The following IMPA1 variants were observed in gnomAD, a reference collection of about 807,000 sequenced individuals.
IMPA1 encodes D-galactose 1-phosphate phosphatase.
A neutral mutation model predicts 34.9 loss-of-function variants in IMPA1; 21 were observed. The observed-to-expected ratio is 0.60, with a 90% CI of 0.43 to 0.87. The LOEUF (loss-of-function observed/expected upper bound fraction) is 0.87. Among genes scored for constraint, IMPA1 ranks in the 40% least tolerant of loss-of-function variants. The pLI is 0.00. For missense variants in IMPA1, 299 were observed against 336.4 expected, an observed-to-expected ratio of 0.89 and a Z score of 0.87; for synonymous variants, 95 against 104.4, an observed-to-expected ratio of 0.91 and a Z score of 0.55.
intron 2 of IMPA1, among the ~76,000 whole-genome samples, chr8:81,681,049 A>G (rs1451897306): frequency 6.6e-6 from 1 of 152,186 alleles, no homozygotes; most frequent in Non-Finnish European, 1.5e-5. Flanking sequence ...TATACACGCA[A>G]GAGTATTTAG....
chr8:81,659,088 G>A lies in IMPA1; in HGVS notation c.*263C>T, dbSNP rs973614465. 1.3e-4 allele frequency: 56 copies of A among 425,628 alleles called. No homozygotes were observed. Among genetic ancestry groups the A allele is most frequent in the Non-Finnish European group, 6.7e-5 (16 of 240,108 alleles). The allele number at this position is 425,628 out of a possible 1,614,324, so 26.4% of individuals were successfully genotyped here. On this transcript the variant is annotated 3_prime_UTR_variant, in exon 9 of 9. Coordinates refer to ENST00000256108, the MANE Select transcript of IMPA1 (RefSeq NM_005536.4). Reference sequence around the variant, plus strand: ...ACAAAATTGCTAATTGACTATTTCAGTTGATGTTATATTTATCAACTGTAC... The same window carrying A: ...ACAAAATTGCTAATTGACTATTTCAATTGATGTTATATTTATCAACTGTAC...
At position 81,657,822 on chromosome 8, in the gene IMPA1, G is replaced by A. The variant is rs1806559402; in HGVS notation, c.*1529C>T. ...GGAGACTGAAAGAGGAGGATCACTT[G>A]AGCCCAGGAATTTAAGGATACAGTG... On this transcript the variant is annotated 3_prime_UTR_variant, in exon 9 of 9. Transcript: ENST00000256108. 6.6e-6 allele frequency: 1 copy of A among 152,056 alleles called. No homozygotes were observed. Among genetic ancestry groups the A allele is most frequent in the Non-Finnish European group, 1.5e-5 (1 of 68,050 alleles). 9.4% of individuals were successfully genotyped at this position (152,056 alleles called of 1,614,324 possible).
intron 1 of IMPA1, among the ~76,000 whole-genome samples, chr8:81,684,788 A>G (rs1179685863): frequency 7.0e-6 from 1 of 143,194 alleles, no homozygotes; most frequent in African/African-American, 2.6e-5. Flanking sequence ...TATACTACAC[A>G]TAAGTATATT....
intron 1 of IMPA1, 22 bp downstream of exon 1, chr8:81,686,230 G>A (rs923558973): frequency 2.0e-6 from 2 of 1,024,548 alleles, no homozygotes; most frequent in Non-Finnish European, 2.4e-6. Context: ...GGAGGGTGCG[G>A]TGAGGAAAAT....
rs73283097 is a variant in IMPA1, at chr8:81,686,323, G to A, written c.-96C>T. On this transcript the variant is annotated 5_prime_UTR_variant, in exon 1 of 9. Transcript: ENST00000256108. ...ACTCGTCTCTTCCGGAGGTAGAGGG[G>A]CTACTCGCAACAGGAAGTTCCGCCC... 1 of 986,992 alleles carries A rather than the reference G, an allele frequency of 1.0e-6. No individual in the cohort carries two copies. Among genetic ancestry groups the A allele is most frequent in the Non-Finnish European group, 1.2e-6 (1 of 830,902 alleles). The allele number at this position is 986,992 out of a possible 1,614,324, so 61.1% of individuals were successfully genotyped here.
At chr8:81,685,033 T>G (rs181178605) in intron 1 of IMPA1, among the ~76,000 whole-genome samples, 17 of 136,568 alleles carry the variant, frequency 1.2e-4, no homozygotes, top group African/African-American at 4.3e-4. Context: ...ATTTAGATAC[T>G]ATATATAGTA....
At chr8:81,682,847 C>T (rs1385894488) in intron 1 of IMPA1, among the ~76,000 whole-genome samples, 2 of 152,184 alleles carry the variant, frequency 1.3e-5, no homozygotes, top group Non-Finnish European at 2.9e-5. Flanking sequence ...CTTCATCCTT[C>T]AATAGATGTT....
intron 7 of IMPA1, among the ~76,000 whole-genome samples, chr8:81,661,737 T>C (rs1253437428): frequency 1.3e-5 from 2 of 152,266 alleles, no homozygotes; most frequent in Non-Finnish European, 2.9e-5. Context: ...TCCATGTTAA[T>C]TCCCTTACTT....
At chr8:81,681,045 C>T (rs757875040) in intron 2 of IMPA1, among the ~76,000 whole-genome samples, 30 of 152,000 alleles carry the variant, frequency 2.0e-4, no homozygotes, top group Non-Finnish European at 3.4e-4. Context: ...AGGGTATACA[C>T]GCAAGAGTAT....
intron 5 of IMPA1, chr8:81,674,694 G>T: frequency 2.6e-6 from 1 of 387,756 alleles, no homozygotes; most frequent in South Asian, 1.9e-5. Flanking sequence ...GGCACCTCAG[G>T]CTTTTTTCTT....
chr8:81,659,443 G>T lies in IMPA1; in HGVS notation c.742C>A (p.Arg248=). Residue 248 remains arginine (R), a synonymous_variant, in exon 9 of 9, where the codon CGA becomes AGA. Transcript: ENST00000256108. ...CTATTATTTGCAGCAATTACTCTTC[G>T]TGACATCAAATCAAATGGTCCACCT... ...VTGGPFDLMS[R]RVIAANNRIL... 1 of 1,606,200 alleles carries T rather than the reference G, an allele frequency of 6.2e-7. No individual in the cohort carries two copies. The highest frequency in any genetic ancestry group is 8.5e-7 in the Non-Finnish European group (1 of 1,173,594).
intron 7 of IMPA1, 139 bp from the exon 8 acceptor site, chr8:81,660,806 A>C (rs1460271683): frequency 2.0e-6 from 1 of 493,194 alleles, no homozygotes; most frequent in Non-Finnish European, 3.5e-6. Flanking sequence ...GTGATATCTA[A>C]TTGTAAAATA....
intron 3 of IMPA1, among the ~76,000 whole-genome samples, chr8:81,680,166 C>CTCTCCG (rs2130316694): frequency 6.6e-6 from 1 of 151,402 alleles, no homozygotes; most frequent in South Asian, 2.1e-4. Flanking sequence ...CTCTCTAATA[C>CTCTCCG]TCTCCGTCCT....
At chr8:81,671,687 G>A (rs1806992329) in intron 6 of IMPA1, among the ~76,000 whole-genome samples, 1 of 152,020 alleles carries the variant, frequency 6.6e-6, no homozygotes, top group South Asian at 2.1e-4. Flanking sequence ...CACGAGGTCA[G>A]GAGTTCGAGA....
chr8:81,686,102 G>T, intron 1 of IMPA1, 150 bp downstream of exon 1: 3 of 836,898 alleles, frequency 3.6e-6, no homozygotes, highest in Non-Finnish European at 4.9e-6. Flanking sequence ...GGATAACGCA[G>T]CAGGCAGGGG....
chr8:81,660,776 G>T, intron 7 of IMPA1, 109 bp from the exon 8 acceptor site: 2 of 711,404 alleles, frequency 2.8e-6, no homozygotes, highest in Non-Finnish European at 2.2e-6. Context: ...GAACGATCTA[G>T]AGGATAAAGA....
intron 8 of IMPA1, 80 bp downstream of exon 8, chr8:81,660,436 T>C: frequency 7.7e-7 from 1 of 1,305,868 alleles, no homozygotes; most frequent in South Asian, 1.3e-5. Context: ...ATAACATATA[T>C]CAAAAAGTTT....
Position 81,669,680 on chromosome 8 carries a change from C to T in IMPA1, c.566+1259G>A, listed in dbSNP as rs149943354. On this transcript the variant is annotated intron_variant, in intron 7 of 8. Transcript: ENST00000256108. The stretch of plus-strand genomic sequence containing the variant: ...TTAAACTTTTAAGTTCATGATAGAA[C>T]AAGTGAAGACTTTGGGACCCTGGGG... Among the ~76,000 whole-genome samples, 548 of 152,202 alleles carry T rather than the reference C, an allele frequency of 3.6e-3. 19 individuals are homozygous for T. Among genetic ancestry groups the T allele is most frequent in the Admixed American group, 0.027 (418 of 15,284 alleles).
intron 1 of IMPA1, among the ~76,000 whole-genome samples, chr8:81,683,447 T>A (rs1807360934): frequency 6.6e-6 from 1 of 152,154 alleles, no homozygotes; most frequent in Non-Finnish European, 1.5e-5. Flanking sequence ...ATACCTGTTT[T>A]GAGGGAATCT....
Sources: allele counts gnomAD v4.1 joint callset (sites outside exome capture counted in the v4.1 genomes callset), GRCh38; gene constraint gnomAD v4.1.1; transcripts MANE v1.5; gene names NCBI Gene and HGNC (gene_info 2026-07-23, HGNC 2026-07-21).